C16orf74: variants seen among roughly 807,000 people sequenced by gnomAD.
C16orf74 encodes uncharacterized protein C16orf74.
In C16orf74, 10 loss-of-function variants were observed where a neutral mutation model predicts 6.5. That is an observed-to-expected ratio of 1.54 (90% CI 0.95 to 2.61). The LOEUF (loss-of-function observed/expected upper bound fraction) is 2.61, where lower values mean the gene tolerates loss of function less well. Among genes scored for constraint, C16orf74 ranks in the 30% most tolerant of loss-of-function variants. C16orf74 has a pLI of 0.00. For missense variants in C16orf74, 141 were observed against 105.9 expected (o/e 1.33, Z -1.45); for synonymous variants, 60 against 42.5 (o/e 1.41, Z -1.60).
At chr16:85,730,628 A>G (rs997959823) in intron 2 of C16orf74, among the ~76,000 whole-genome samples, 2 of 129,622 alleles carry the variant, frequency 1.5e-5, no homozygotes, top group Admixed American at 9.0e-5. Context: ...AAGACCAGCC[A>G]AGTAACCCCA....
At chr16:85,718,832 T>C (rs2054050599) in intron 2 of C16orf74, among the ~76,000 whole-genome samples, 1 of 152,222 alleles carries the variant, frequency 6.6e-6, no homozygotes, top group Non-Finnish European at 1.5e-5. Context: ...TCAGGGCACT[T>C]ATTCATTGAT....
intron 2 of C16orf74, among the ~76,000 whole-genome samples, chr16:85,722,803 G>C (rs1312039089): frequency 6.6e-6 from 1 of 152,262 alleles, no homozygotes; most frequent in Non-Finnish European, 1.5e-5. Flanking sequence ...CAAGTGCAGT[G>C]ACAGGTCCCT....
chr16:85,733,493 G>A (rs2054212697), intron 2 of C16orf74, among the ~76,000 whole-genome samples: 1 of 152,202 alleles, frequency 6.6e-6, no homozygotes, highest in African/African-American at 2.4e-5. Flanking sequence ...GCACAACACT[G>A]TGAACGTGCT....
At chr16:85,732,305 C>T (rs549254519) in intron 2 of C16orf74, among the ~76,000 whole-genome samples, 4 of 152,290 alleles carry the variant, frequency 2.6e-5, no homozygotes, top group South Asian at 2.1e-4. Context: ...TCATCTCTTA[C>T]GGCAGCCCTA....
intron 2 of C16orf74, among the ~76,000 whole-genome samples, chr16:85,724,711 C>T (rs969283738): frequency 1.2e-4 from 18 of 152,122 alleles, no homozygotes; most frequent in African/African-American, 4.1e-4. Flanking sequence ...GCCACCCCGG[C>T]CGGCGGGAGG....
intron 2 of C16orf74, among the ~76,000 whole-genome samples, chr16:85,732,615 G>A (rs920028349): frequency 4.7e-5 from 6 of 127,276 alleles, no homozygotes; most frequent in East Asian, 5.5e-4. Flanking sequence ...GCAGTGAGTC[G>A]AGATTGCACC....
At position 85,751,055 on chromosome 16, in the gene C16orf74, C is replaced by G. The variant is rs1285661631; in HGVS notation, c.-148G>C. On this transcript the variant is annotated 5_prime_UTR_variant, in exon 1 of 4. Transcript: ENST00000284245. Reference sequence around the variant, plus strand: ...GCGACGAGCCTGCAAGACAGAGCAGCGGGGGTCATGGCCCGGCCGGCGCTC... The same window carrying G: ...GCGACGAGCCTGCAAGACAGAGCAGGGGGGGTCATGGCCCGGCCGGCGCTC... The G allele has an allele frequency of 4.7e-5, 7 of 148,566 alleles. No homozygotes were observed. The highest frequency in any genetic ancestry group is 3.9e-4 in the East Asian group (2 of 5,112). 9.2% of individuals were successfully genotyped at this position (148,566 alleles called of 1,614,324 possible).
chr16:85,715,630 C>T (rs999497684), intron 2 of C16orf74, among the ~76,000 whole-genome samples: 43 of 152,200 alleles, frequency 2.8e-4, no homozygotes, highest in Admixed American at 2.5e-3. Context: ...CCGTAGACAA[C>T]GTGGAAATGA....
intron 3 of C16orf74, 80 bp from the exon 4 acceptor site, chr16:85,708,146 C>A: frequency 8.5e-7 from 1 of 1,175,586 alleles, no homozygotes; most frequent in Non-Finnish European, 1.2e-6. Context: ...AACTGCAGGG[C>A]TGGGGCCTCT....
chr16:85,718,317 T>C (rs747489952), intron 2 of C16orf74, among the ~76,000 whole-genome samples: 15 of 152,160 alleles, frequency 9.9e-5, no homozygotes, highest in Admixed American at 3.9e-4. Flanking sequence ...CCTCCTGCCT[T>C]GGCCTCCCAA....
At chr16:85,736,720 G>A (rs974030961) in intron 1 of C16orf74, among the ~76,000 whole-genome samples, 15 of 152,186 alleles carry the variant, frequency 9.9e-5, no homozygotes, top group Non-Finnish European at 8.8e-5. Flanking sequence ...ATGTGATCAC[G>A]GATAGTTTAT....
intron 1 of C16orf74, among the ~76,000 whole-genome samples, chr16:85,746,143 C>T (rs1165117571): frequency 1.3e-5 from 2 of 152,022 alleles, no homozygotes; most frequent in African/African-American, 4.8e-5. Context: ...TGAGGCTGGG[C>T]GTTCAAGACC....
intron 1 of C16orf74, among the ~76,000 whole-genome samples, chr16:85,747,399 C>T (rs1239459708): frequency 1.3e-5 from 2 of 151,964 alleles, no homozygotes; most frequent in Non-Finnish European, 2.9e-5. Flanking sequence ...CTGCAGTGAG[C>T]CATGATCATG....
chr16:85,731,564 T>C (rs2054187767), intron 2 of C16orf74, among the ~76,000 whole-genome samples: 1 of 151,810 alleles, frequency 6.6e-6, no homozygotes, highest in Admixed American at 6.6e-5. Context: ...CAGCGTGTAG[T>C]GTTGAGGCCC....
rs187620397 is a variant in C16orf74 at position 85,723,799 on chromosome 16, C to G, written c.28+11391G>C. Among the ~76,000 whole-genome samples the G allele has an allele frequency of 4.2e-3, 636 of 152,324 alleles. 28 individuals are homozygous for G. The highest frequency in any genetic ancestry group is 0.04 in the Admixed American group (609 of 15,300). ...GCAGTACTGTGGGGCTGACAGGAGC[C>G]ATCCCTGGTGTGTGCTGTTGGGTGA... On this transcript the variant is annotated intron_variant, in intron 2 of 3. Coordinates refer to ENST00000284245, the MANE Select transcript of C16orf74 (RefSeq NM_206967.3).
chr16:85,744,225 CAAAAAAAAAAA>C (rs368696989), intron 1 of C16orf74: 1 of 43,014 alleles, frequency 2.3e-5, no homozygotes, highest in Non-Finnish European at 4.1e-5. Flanking sequence ...AACTCCGTCT[CAAAAAAAAAAA>C]AAAAAAAAAA....
At chr16:85,739,230 C>T (rs1260870676) in intron 1 of C16orf74, among the ~76,000 whole-genome samples, 2 of 152,220 alleles carry the variant, frequency 1.3e-5, no homozygotes, top group Non-Finnish European at 2.9e-5. Context: ...GCTTCCCAAA[C>T]CTCCCTGGAC....
intron 2 of C16orf74, among the ~76,000 whole-genome samples, chr16:85,726,528 C>A (rs1240791364): frequency 1.3e-5 from 2 of 152,118 alleles, no homozygotes; most frequent in East Asian, 3.9e-4. Context: ...CCCAGGATCC[C>A]CGCAGGCAGG....
intron 2 of C16orf74, among the ~76,000 whole-genome samples, chr16:85,729,129 C>A (rs919211044): frequency 6.6e-5 from 10 of 152,234 alleles, no homozygotes; most frequent in African/African-American, 2.4e-4. Context: ...ACGACTCCCC[C>A]TTTCCCCTTC....
Sources: gnomAD v4.1 joint callset for allele counts (sites outside exome capture counted in the v4.1 genomes callset) on GRCh38, gnomAD v4.1.1 for gene constraint, MANE v1.5 for transcripts, NCBI Gene and HGNC (gene_info 2026-07-23, HGNC 2026-07-21) for gene names.